DIP2C: variants seen among roughly 807,000 people sequenced by gnomAD.
The protein encoded by DIP2C is DIP2 acetate--CoA ligase C (putative), also known as disco-interacting protein 2 homolog C.
DIP2C carries 33 observed loss-of-function variants against 192.4 expected under a neutral mutation model. The observed-to-expected ratio is 0.17, with a 90% CI of 0.13 to 0.23. The LOEUF is 0.23. DIP2C is among the 10% of genes least tolerant of loss of function. The pLI is 1.00. For synonymous variants in DIP2C, 979 were observed against 864.1 expected, an observed-to-expected ratio of 1.13 and a Z score of -2.33; for missense variants, 1,537 against 2,110.1, an observed-to-expected ratio of 0.73 and a Z score of 5.32.
chr10:539,778 C>T (rs1278216908), intron 1 of DIP2C, among the ~76,000 whole-genome samples: 2 of 152,204 alleles, frequency 1.3e-5, no homozygotes, highest in African/African-American at 2.4e-5. Flanking sequence ...GAATCACACT[C>T]ATACTGTAAG....
intron 35 of DIP2C, 108 bp from the exon 36 acceptor site, chr10:281,431 C>T: frequency 7.0e-7 from 1 of 1,429,228 alleles, no homozygotes; most frequent in East Asian, 2.4e-5. Flanking sequence ...GACAGGGATG[C>T]AAAGGAAGGG....
chr10:415,746 C>T (rs115216691), intron 7 of DIP2C, 23 bp downstream of exon 7: 31 of 1,612,590 alleles, frequency 1.9e-5, no homozygotes, highest in East Asian at 6.7e-5. Flanking sequence ...CTGGAAGAAA[C>T]GTGTGGTAAA....
At chr10:506,397 G>A (rs1246918191) in intron 1 of DIP2C, among the ~76,000 whole-genome samples, 1 of 152,172 alleles carries the variant, frequency 6.6e-6, no homozygotes, top group African/African-American at 2.4e-5. Flanking sequence ...GGCCTGGGGA[G>A]AGGCAGTTGG....
At chr10:574,358 A>G (rs1175040521) in intron 1 of DIP2C, among the ~76,000 whole-genome samples, 2 of 152,258 alleles carry the variant, frequency 1.3e-5, no homozygotes, top group Non-Finnish European at 2.9e-5. Context: ...TAACCATTCC[A>G]TTATTTTACA....
Position 652,669 on chromosome 10 carries a change from T to C in DIP2C, c.85+36825A>G, listed in dbSNP as rs1856017105. ...AGAACAAAATAACACCATGTCCTCCTTTCCACACACTCCCAAGCCTCCCAT... is the reference window on the plus strand; with the variant it reads ...AGAACAAAATAACACCATGTCCTCCCTTCCACACACTCCCAAGCCTCCCAT... On this transcript the variant is annotated intron_variant, in intron 1 of 36. Coordinates refer to ENST00000280886, the MANE Select transcript of DIP2C (RefSeq NM_014974.3). The surrounding 1 kb of genome is among the most constrained non-coding windows in gnomAD (Gnocchi z 4.5). 6.6e-6 allele frequency: 1 copy of C among 152,500 alleles called. No homozygotes were observed. The highest frequency in any genetic ancestry group is 1.5e-5 in the Non-Finnish European group (1 of 68,240). The allele number at this position is 152,500 out of a possible 1,614,324, so 9.4% of individuals were successfully genotyped here.
At chr10:307,591 T>G (rs1956379390) in intron 32 of DIP2C, among the ~76,000 whole-genome samples, 1 of 150,378 alleles carries the variant, frequency 6.6e-6, no homozygotes, top group Non-Finnish European at 1.5e-5. Flanking sequence ...TTCTCTGCAG[T>G]GGGGGGGTAA....
intron 3 of DIP2C, among the ~76,000 whole-genome samples, chr10:467,221 GTCCT>G (rs1240397544): frequency 1.3e-5 from 2 of 152,232 alleles, no homozygotes; most frequent in Middle Eastern, 3.4e-3. Flanking sequence ...ATGAGTTCAT[GTCCT>G]TTGTAGGGAC....
At chr10:615,740 C>A (rs1475410998) in intron 1 of DIP2C, among the ~76,000 whole-genome samples, 1 of 152,146 alleles carries the variant, frequency 6.6e-6, no homozygotes, top group African/African-American at 2.4e-5. Flanking sequence ...TGGAAGACAG[C>A]CACTCCCACC....
At chr10:490,819 A>G (rs1844381582) in intron 1 of DIP2C, among the ~76,000 whole-genome samples, 1 of 152,238 alleles carries the variant, frequency 6.6e-6, no homozygotes. Context: ...TTTCAGAAGC[A>G]GAAATTAAAA....
At chr10:438,487 G>T (rs557933553) in intron 4 of DIP2C, among the ~76,000 whole-genome samples, 2 of 146,258 alleles carry the variant, frequency 1.4e-5, no homozygotes, top group Admixed American at 6.6e-5. Flanking sequence ...AAACAAACAG[G>T]ATTAAGCATT....
chr10:530,126 C>A (rs897830610), intron 1 of DIP2C, among the ~76,000 whole-genome samples: 5 of 152,252 alleles, frequency 3.3e-5, no homozygotes, highest in African/African-American at 9.6e-5. Flanking sequence ...GCATCCCGGA[C>A]ATGCCACCGT....
At chr10:332,112 G>A (rs369403423) in intron 29 of DIP2C, among the ~76,000 whole-genome samples, 1 of 152,034 alleles carries the variant, frequency 6.6e-6, no homozygotes, top group African/African-American at 2.4e-5. Flanking sequence ...CACCATGACT[G>A]GCTAACTTAA....
chr10:489,206 C>G (rs1306915187), intron 1 of DIP2C, among the ~76,000 whole-genome samples: 7 of 152,180 alleles, frequency 4.6e-5, no homozygotes. Context: ...ATTTTTAACT[C>G]TGGACTGCCT....
At chr10:518,707 CCAGT>C (rs1312141167) in intron 1 of DIP2C, among the ~76,000 whole-genome samples, 1 of 152,180 alleles carries the variant, frequency 6.6e-6, no homozygotes, top group Non-Finnish European at 1.5e-5. Flanking sequence ...TGTTTAGAGG[CCAGT>C]CAATGGTGTT....
intron 28 of DIP2C, among the ~76,000 whole-genome samples, chr10:342,153 C>A (rs1438851660): frequency 6.6e-6 from 1 of 151,640 alleles, no homozygotes; most frequent in East Asian, 1.9e-4. Context: ...TCGTGTAACC[C>A]ACTCTCTCTC....
At chr10:657,789 C>G (rs1281399920) in intron 1 of DIP2C, among the ~76,000 whole-genome samples, 12 of 105,800 alleles carry the variant, frequency 1.1e-4, no homozygotes, top group Admixed American at 4.4e-4. Flanking sequence ...TGCTGGACCT[C>G]TCCCTGGACC....
At chr10:570,511 G>A (rs888999026) in intron 1 of DIP2C, among the ~76,000 whole-genome samples, 24 of 151,914 alleles carry the variant, frequency 1.6e-4, no homozygotes, top group African/African-American at 2.2e-4. Flanking sequence ...CCAGTTTCCC[G>A]CAGCCCAGAG....
intron 24 of DIP2C, among the ~76,000 whole-genome samples, chr10:354,247 T>A (rs1958966567): frequency 6.6e-6 from 1 of 152,230 alleles, no homozygotes; most frequent in South Asian, 2.1e-4. Context: ...GGATTTGCAG[T>A]TGATCCTAAT....
intron 3 of DIP2C, among the ~76,000 whole-genome samples, chr10:451,585 A>G (rs186566971): frequency 3.3e-4 from 50 of 152,344 alleles, no homozygotes; most frequent in Admixed American, 2.9e-3. Flanking sequence ...TTGTGTTAGA[A>G]GCAATTTTAC....
Sources: gnomAD v4.1 joint callset for allele counts (sites outside exome capture counted in the v4.1 genomes callset) on GRCh38, gnomAD v4.1.1 for gene constraint, Gnocchi (gnomAD v3.1) non-coding constraint, MANE v1.5 for transcripts, NCBI Gene and HGNC (gene_info 2026-07-23, HGNC 2026-07-21) for gene names.